The following KIDINS220 variants were observed in gnomAD, a reference collection of about 807,000 sequenced individuals.
KIDINS220 encodes kinase D-interacting substrate of 220 kDa.
KIDINS220 carries 63 observed loss-of-function variants against 157.6 expected under a neutral mutation model. The ratio of observed to expected loss-of-function variants is 0.40; its 90% CI spans 0.33 to 0.49. KIDINS220 has a LOEUF of 0.49. Among genes scored for constraint, KIDINS220 ranks in the 20% least tolerant of loss-of-function variants. The pLI, the probability that KIDINS220 is intolerant of heterozygous loss-of-function variation, is 0.66. For missense variants in KIDINS220, 1,772 were observed against 2,171.2 expected (o/e 0.82, Z 3.65); for synonymous variants, 732 against 783.6 (o/e 0.93, Z 1.10).
chr2:8,760,037 C>T (rs1184670378), intron 22 of KIDINS220, among the ~76,000 whole-genome samples: 1 of 152,306 alleles, frequency 6.6e-6, no homozygotes, highest in Non-Finnish European at 1.5e-5. Flanking sequence ...GCTCACTGCA[C>T]CAGTTCAAAC....
At position 8,778,623 on chromosome 2, in the gene KIDINS220, G is replaced by A. The variant is rs758896362; in HGVS notation, c.2703+16C>T. 1.3e-6 allele frequency: 2 copies of A among 1,553,398 alleles called. No homozygotes were observed. The highest frequency in any genetic ancestry group is 8.9e-7 in the Non-Finnish European group (1 of 1,124,774). On this transcript the variant is annotated intron_variant, in intron 20 of 29. Coordinates refer to ENST00000256707, the MANE Select transcript of KIDINS220 (RefSeq NM_020738.4). Reference sequence around the variant, plus strand: ...TAGCAATACAAACATACAGCTCGAAGCCAATGGCATCTTACCCGTCTATTG... The same window carrying A: ...TAGCAATACAAACATACAGCTCGAAACCAATGGCATCTTACCCGTCTATTG...
chr2:8,767,878 T>C (rs1669682490), intron 22 of KIDINS220, among the ~76,000 whole-genome samples: 2 of 152,212 alleles, frequency 1.3e-5, no homozygotes, highest in South Asian at 4.1e-4. Flanking sequence ...GTACAGCAAA[T>C]TGCTACTTCA....
intron 6 of KIDINS220, among the ~76,000 whole-genome samples, chr2:8,809,323 C>T (rs1033318951): frequency 6.6e-6 from 1 of 151,968 alleles, no homozygotes; most frequent in Admixed American, 6.6e-5. Flanking sequence ...ACTCGGCCAC[C>T]TATGTATCTT....
At chr2:8,804,760 T>C (rs974469495) in intron 7 of KIDINS220, among the ~76,000 whole-genome samples, 1 of 152,234 alleles carries the variant, frequency 6.6e-6, no homozygotes, top group Non-Finnish European at 1.5e-5. Flanking sequence ...CCATTTCACA[T>C]AAATTCTTAC....
In KIDINS220 at chr2:8,761,557, T is replaced by C. The variant is rs1036798742; in HGVS notation, c.3011+9113A>G. 2.6e-4 allele frequency among the ~76,000 whole-genome samples: 40 copies of C among 152,036 alleles called. 1 individual carries two copies. The highest frequency in any genetic ancestry group is 2.2e-3 in the Admixed American group (33 of 15,258). On this transcript the variant is annotated intron_variant, in intron 22 of 29. Coordinates refer to ENST00000256707, the MANE Select transcript of KIDINS220 (RefSeq NM_020738.4). ...TTAAAAACTATGTCATATGAATAGATACCCATTCATTTGCCTAGGATCGTG... is the reference window on the plus strand; with the variant it reads ...TTAAAAACTATGTCATATGAATAGACACCCATTCATTTGCCTAGGATCGTG...
Position 8,731,255 on chromosome 2 carries a change from G to T in KIDINS220, c.4781C>A (p.Ser1594Tyr). The T allele has an allele frequency of 1.2e-6, 2 of 1,614,072 alleles. No homozygotes were observed. Among genetic ancestry groups the T allele is most frequent in the Non-Finnish European group, 1.7e-6 (2 of 1,180,040 alleles). The change falls in exon 30 of 30, where the codon TCT (serine) becomes TAT (tyrosine). Residue 1594 changes from serine to tyrosine, a missense_variant. By Grantham distance (144) the Ser-to-Tyr change is moderately radical (BLOSUM62 -2). Around this residue, in one of 3 missense-constraint regions of KIDINS220, gnomAD observed 793 missense variants for 885.5 expected, o/e 0.90. Transcript: ENST00000256707. The surrounding 1 kb of genome is among the most constrained non-coding windows in gnomAD (Gnocchi z 5.2). The part of the protein sequence containing the change: ...SDSGVRSSES[S>Y]PNHSLHNEVA... ...TTCATTGTGCAGAGAGTGATTGGGA[G>T]AACTTTCACTGGATCTCACTCCTGA... is the stretch of plus-strand genomic sequence containing the variant.
In KIDINS220 at chr2:8,789,956, CA is replaced by C; in HGVS notation, c.1544del (p.Leu515CysfsTer12). On this transcript the variant is annotated frameshift_variant, in exon 14 of 30. Coordinates refer to ENST00000256707, the MANE Select transcript of KIDINS220 (RefSeq NM_020738.4). LOFTEE classifies it high-confidence loss of function. ...TLLLCGGLGL[L>X]FAFTVHPNLG... Reference sequence around the variant, plus strand: ...GATTTGGGTGGACCGTGAAGGCAAACAATAAACCAAGCCCTCCACAAAGTAG... The same window carrying C: ...GATTTGGGTGGACCGTGAAGGCAAACATAAACCAAGCCCTCCACAAAGTAG... The C allele has an allele frequency of 6.2e-7, 1 of 1,613,876 alleles. No homozygotes were observed. Among genetic ancestry groups the C allele is most frequent in the South Asian group, 1.1e-5 (1 of 91,040 alleles).
chr2:8,745,628 C>T (rs747952263), intron 26 of KIDINS220, among the ~76,000 whole-genome samples: 4 of 152,058 alleles, frequency 2.6e-5, no homozygotes, highest in Non-Finnish European at 5.9e-5. Context: ...GAAACCCCAT[C>T]GCTACTACAA....
intron 21 of KIDINS220, among the ~76,000 whole-genome samples, 166 bp downstream of exon 21, chr2:8,776,582 T>C (rs1468414500): frequency 1.3e-5 from 2 of 152,204 alleles, no homozygotes; most frequent in Non-Finnish European, 2.9e-5. Flanking sequence ...TGACTTTTCA[T>C]TGTCAAAACT....
At chr2:8,824,593 T>A (rs1243563906) in intron 2 of KIDINS220, among the ~76,000 whole-genome samples, 1 of 152,126 alleles carries the variant, frequency 6.6e-6, no homozygotes, top group Admixed American at 6.5e-5. Context: ...AGCAGGAGGA[T>A]CGCTTGAGCC....
intron 26 of KIDINS220, chr2:8,740,078 C>T (rs1428572318): frequency 1.7e-6 from 1 of 587,656 alleles, no homozygotes; most frequent in Admixed American, 6.3e-5. Flanking sequence ...TATAGACAGC[C>T]CAGCATGAAG....
chr2:8,832,460 G>A (rs780144468), intron 1 of KIDINS220, among the ~76,000 whole-genome samples: 1 of 152,162 alleles, frequency 6.6e-6, no homozygotes, highest in Non-Finnish European at 1.5e-5. Flanking sequence ...TTAAGAGCAC[G>A]TGTGTAGTAT....
rs115313095 is a variant in KIDINS220, at chr2:8,816,402, T to C, written c.306+1216A>G. Among the ~76,000 whole-genome samples the C allele has an allele frequency of 6.9e-3, 1,052 of 152,270 alleles. 7 individuals carry two copies. Among genetic ancestry groups the C allele is most frequent in the Non-Finnish European group, 0.011 (769 of 68,004 alleles). On this transcript the variant is annotated intron_variant, in intron 4 of 29. Transcript: ENST00000256707. The stretch of plus-strand genomic sequence containing the variant: ...CTTCCAGTCTCAATTTCCTCAACTA[T>C]ACATTGAGAATAAAATCAACCTTAG...
intron 7 of KIDINS220, 52 bp from the exon 8 acceptor site, chr2:8,803,179 T>C (rs1424955810): frequency 2.0e-5 from 28 of 1,377,838 alleles, no homozygotes; most frequent in Non-Finnish European, 2.5e-5. Flanking sequence ...AAGAAATTAA[T>C]GTATTCTAGA....
At chr2:8,808,294 A>G (rs2148354135) in intron 6 of KIDINS220, among the ~76,000 whole-genome samples, 1 of 152,344 alleles carries the variant, frequency 6.6e-6, no homozygotes, top group African/African-American at 2.4e-5. Context: ...TATCTTAGAT[A>G]TCTTCAAACA....
rs745807990 is a variant in KIDINS220, at chr2:8,731,990, G to T, written c.4054-8C>A. On this transcript the variant is annotated splice_polypyrimidine_tract_variant and splice_region_variant and intron_variant, in intron 29 of 29. Coordinates refer to ENST00000256707, the MANE Select transcript of KIDINS220 (RefSeq NM_020738.4). This position sits in a 1 kb window ranked among gnomAD's most constrained non-coding sequence, Gnocchi z 5.2. ...GGTTCTGCGAGTTTGTGACTGTGAA[G>T]ACAGAAAAAAAATAATTTAAAAATT... 6.6e-7 allele frequency: 1 copy of T among 1,513,032 alleles called. No individual in the cohort carries two copies. The highest frequency in any genetic ancestry group is 8.8e-7 in the Non-Finnish European group (1 of 1,134,398). 93.7% of individuals were successfully genotyped at this position (1,513,032 alleles called of 1,614,324 possible).
At chr2:8,743,660 T>C (rs1184883659) in intron 26 of KIDINS220, among the ~76,000 whole-genome samples, 3 of 152,234 alleles carry the variant, frequency 2.0e-5, no homozygotes, top group Non-Finnish European at 4.4e-5. Flanking sequence ...TCCTGCATTC[T>C]AGTTCCAAAT....
chr2:8,732,037 T>A, intron 29 of KIDINS220, 55 bp from the exon 30 acceptor site: 1 of 1,456,690 alleles, frequency 6.9e-7, no homozygotes. Context: ...AAAAAAGGCA[T>A]AAACATCAGC....
intron 14 of KIDINS220, among the ~76,000 whole-genome samples, chr2:8,789,319 G>A (rs539630995): frequency 1.6e-5 from 2 of 123,822 alleles, no homozygotes; most frequent in African/African-American, 6.4e-5. Context: ...ATGGAGTCTC[G>A]CTCTGTTGCC....
Sources: allele counts gnomAD v4.1 joint callset (sites outside exome capture counted in the v4.1 genomes callset), GRCh38; gene constraint gnomAD v4.1.1; regional missense constraint gnomAD v4.1.1; non-coding constraint Gnocchi (gnomAD v3.1); transcripts MANE v1.5; gene names NCBI Gene and HGNC (gene_info 2026-07-23, HGNC 2026-07-21).